Variants in ATP2A1 observed in about 807,000 individuals in gnomAD.
ATP2A1 encodes sarcoplasmic/endoplasmic reticulum calcium ATPase 1.
A neutral mutation model predicts 109.5 loss-of-function variants in ATP2A1; 83 were observed. The observed-to-expected ratio is 0.76, with a 90% CI of 0.63 to 0.91. ATP2A1 has a LOEUF of 0.91. Among genes scored for constraint, ATP2A1 ranks in the 40% least tolerant of loss-of-function variants. The probability of loss-of-function intolerance (pLI) is 0.00; values close to 1 mark genes in which losing one functional copy is unlikely to be tolerated. For missense variants in ATP2A1, 1,101 were observed against 1,341.0 expected (o/e 0.82, Z 2.80); for synonymous variants, 505 against 537.6 (o/e 0.94, Z 0.84).
chr16:28,904,350 C>G lies in ATP2A1; in HGVS notation c.*208C>G, dbSNP rs796491045. The stretch of plus-strand genomic sequence containing the variant: ...CTTCCCTTTCCTTCCCCCTCGGCCA[C>G]CCGCCTCCCTCTCAACCTTGTAAAT... On this transcript the variant is annotated 3_prime_UTR_variant, in exon 23 of 23. Transcript: ENST00000395503. 20 of 1,546,844 alleles carry G rather than the reference C, an allele frequency of 1.3e-5. No homozygotes were observed. The African/African-American group carries it at 2.7e-4, about 21-fold the overall frequency.
At chr16:28,888,394 T>G (rs1963679401) in intron 8 of ATP2A1, among the ~76,000 whole-genome samples, 1 of 152,044 alleles carries the variant, frequency 6.6e-6, no homozygotes, top group South Asian at 2.1e-4. Context: ...ATCTGGTATC[T>G]TTGCGGACCA....
chr16:28,896,403 T>C (rs1963917707), intron 12 of ATP2A1, among the ~76,000 whole-genome samples: 1 of 151,918 alleles, frequency 6.6e-6, no homozygotes, highest in South Asian at 2.1e-4. Flanking sequence ...ACTTTCTGTA[T>C]TTTTAGTAGA....
At position 28,880,965 on chromosome 16, in the gene ATP2A1, AC is replaced by A. The variant is rs745655545; in HGVS notation, c.273del (p.Phe92LeufsTer5). 6.2e-7 allele frequency: 1 copy of A among 1,613,664 alleles called. No individual in the cohort carries two copies. On this transcript the variant is annotated frameshift_variant, in exon 4 of 23. Transcript: ENST00000395503. LOFTEE classifies it high-confidence loss of function. The surrounding 1 kb of genome is among the most constrained non-coding windows in gnomAD (Gnocchi z 4.2). ...GEETITAFVE[P>X]FVILLILIAN... is the part of the protein sequence containing the mutation. ...AAGAGACCATCACTGCCTTTGTTGA[AC>A]CCTTTGTCATCCTCTTGATCCTCAT...
At position 28,903,390 on chromosome 16, in the gene ATP2A1, T is replaced by C. The variant is rs1332963906; in HGVS notation, c.2930T>C (p.Val977Ala). ...ATGGTCCTCAAGATCTCACTGCCAG[T>C]CATTGGGCTCGACGAAATCCTCAAG... ...WLMVLKISLP[V>A]IGLDEILKFV... Residue 977 changes from valine (V) to alanine (A), a missense_variant, in exon 21 of 23, where the codon GTC becomes GCC. Coordinates refer to ENST00000395503, the MANE Select transcript of ATP2A1 (RefSeq NM_004320.6). This position sits in a 1 kb window ranked among gnomAD's most constrained non-coding sequence, Gnocchi z 5.6. 24 of 1,613,898 alleles carry C rather than the reference T, an allele frequency of 1.5e-5. No individual in the cohort carries two copies. Among genetic ancestry groups the C allele is most frequent in the Non-Finnish European group, 1.9e-5 (23 of 1,179,936 alleles).
chr16:28,904,004 C>A (rs1350180353), intron 22 of ATP2A1, among the ~76,000 whole-genome samples, 176 bp from the exon 23 acceptor site: 1 of 141,504 alleles, frequency 7.1e-6, no homozygotes, highest in Non-Finnish European at 1.6e-5. Flanking sequence ...GCTGTCTTTG[C>A]TGTGGGGCTG....
In ATP2A1 at chr16:28,898,293, C is replaced by T. The variant is rs200872921; in HGVS notation, c.1606C>T (p.Pro536Ser). The change falls in exon 14 of 23, where the codon CCA becomes TCA. Residue 536 changes from proline to serine, a missense_variant. Coordinates refer to ENST00000395503, the MANE Select transcript of ATP2A1 (RefSeq NM_004320.6). The surrounding 1 kb of genome is among the most constrained non-coding windows in gnomAD (Gnocchi z 4.0). ...NYVRVGTTRV[P>S]LTGPVKEKIM... ...TGTGCGAGTTGGCACCACCCGGGTGCCACTGACGGGGCCGGTGAAGGAAAA... is the reference window on the plus strand; with the variant it reads ...TGTGCGAGTTGGCACCACCCGGGTGTCACTGACGGGGCCGGTGAAGGAAAA... 1.2e-5 allele frequency: 19 copies of T among 1,614,084 alleles called. No homozygotes were observed. In the South Asian group the frequency reaches 1.9e-4, roughly 16 times the overall value.
chr16:28,894,074 G>A (rs1041320015), intron 9 of ATP2A1, 81 bp from the exon 10 acceptor site: 2 of 1,243,194 alleles, frequency 1.6e-6, no homozygotes, highest in Non-Finnish European at 2.3e-6. Flanking sequence ...GGTGTTGGCA[G>A]TGCAGGCCTC....
At chr16:28,879,912 G>GT (rs2152197364) in intron 3 of ATP2A1, 2 of 792,730 alleles carry the variant, frequency 2.5e-6, no homozygotes, top group East Asian at 1.8e-4. Context: ...GCTGCGGCGC[G>GT]GGGGGCCACT....
chr16:28,900,506 A>AC (rs1964041187), intron 14 of ATP2A1, 75 bp from the exon 15 acceptor site: 5 of 810,294 alleles, frequency 6.2e-6, no homozygotes, highest in South Asian at 4.5e-5. Flanking sequence ...CCCCATCCCC[A>AC]CCCCCCACCA....
rs527776636 is a variant in ATP2A1, at chr16:28,885,179, G to A, written c.544+524G>A. Among the ~76,000 whole-genome samples the A allele has an allele frequency of 2.6e-5, 4 of 151,640 alleles. No individual in the cohort carries two copies. In the South Asian group the frequency reaches 8.3e-4, roughly 32 times the overall value. ...CAGTAGAACTGCATGAACCCAGGAG[G>A]CTGAGGCTGCAGTGAGCCAAGATCA... On this transcript the variant is annotated intron_variant, in intron 6 of 22. Transcript: ENST00000395503.
Position 28,903,284 on chromosome 16 carries a change from C to T in ATP2A1, c.2863-39C>T. On this transcript the variant is annotated intron_variant, in intron 20 of 22. Coordinates refer to ENST00000395503, the MANE Select transcript of ATP2A1 (RefSeq NM_004320.6). The surrounding 1 kb of genome is among the most constrained non-coding windows in gnomAD (Gnocchi z 5.6). ...GGCAGTGCTGGTCTCTGGCTCCCTCCCCACCCCCTCCTGAGAGGGCGCTTG... is the reference window on the plus strand; with the variant it reads ...GGCAGTGCTGGTCTCTGGCTCCCTCTCCACCCCCTCCTGAGAGGGCGCTTG... The T allele has an allele frequency of 6.3e-7, 1 of 1,589,956 alleles. No individual in the cohort carries two copies. Among genetic ancestry groups the T allele is most frequent in the East Asian group, 2.2e-5 (1 of 44,700 alleles).
Position 28,884,591 on chromosome 16 carries a change from T to C in ATP2A1, c.480T>C (p.Pro160=). 1 of 1,613,764 alleles carries C rather than the reference T, an allele frequency of 6.2e-7. No homozygotes were observed. Among genetic ancestry groups the C allele is most frequent in the Non-Finnish European group, 8.5e-7 (1 of 1,179,966 alleles). The change falls in exon 6 of 23, where the codon CCT becomes CCC. Residue 160 remains proline, a synonymous_variant. Transcript: ENST00000395503. The part of the protein sequence containing the change: ...IVEVAVGDKV[P]ADIRILAIKS... ...TCTCCACAGTGGGGGACAAAGTCCC[T>C]GCAGACATCCGAATCCTCGCCATCA...
In ATP2A1 at chr16:28,878,513, G is replaced by A. The variant is rs1477599005; in HGVS notation, c.-159G>A. On this transcript the variant is annotated 5_prime_UTR_variant, in exon 1 of 23. Transcript: ENST00000395503. ...GGCCGGCTGCTCAAGTGGGACGGGG[G>A]TCAGAGCTTTGTGGAGGGAAGAAAA... 3 of 728,102 alleles carry A rather than the reference G, an allele frequency of 4.1e-6. No homozygotes were observed. Among genetic ancestry groups the A allele is most frequent in the African/African-American group, 3.5e-5 (2 of 57,338 alleles). The allele number at this position is 728,102 out of a possible 1,614,324, so 45.1% of individuals were successfully genotyped here.
In ATP2A1 at chr16:28,880,639, C is replaced by T. The variant is rs1250151779; in HGVS notation, c.220-276C>T. ...GGCCTGAGCTTCGCTTCTAAGCCAG[C>T]AGCTTGGTCAGGGAAACCTGAAAGC... On this transcript the variant is annotated intron_variant, in intron 3 of 22. Transcript: ENST00000395503. This position sits in a 1 kb window ranked among gnomAD's most constrained non-coding sequence, Gnocchi z 4.2. Among the ~76,000 whole-genome samples, 1 of 152,248 alleles carries T rather than the reference C, an allele frequency of 6.6e-6. No homozygotes were observed. The highest frequency in any genetic ancestry group is 1.5e-5 in the Non-Finnish European group (1 of 68,050).
rs745800569 is a variant in ATP2A1 at position 28,902,196 on chromosome 16, C to T, written c.2334C>T (p.Thr778=). The T allele has an allele frequency of 6.3e-5, 102 of 1,613,964 alleles. 1 individual carries two copies. Among genetic ancestry groups the T allele is most frequent in the South Asian group, 4.2e-4 (38 of 91,080 alleles). ...CTCCTTCCCACAGTATCTTCCTGACCGCTGCCCTGGGGCTGCCTGAGGCCC... is the reference window on the plus strand; with the variant it reads ...CTCCTTCCCACAGTATCTTCCTGACTGCTGCCCTGGGGCTGCCTGAGGCCC... ...NVGEVVCIFL[T]AALGLPEALI... is the part of the protein sequence containing the mutation. Residue 778 remains threonine, a synonymous_variant, in exon 17 of 23, where the codon ACC becomes ACT. Transcript: ENST00000395503. The surrounding 1 kb of genome is among the most constrained non-coding windows in gnomAD (Gnocchi z 4.8).
rs138788073 is a variant in ATP2A1 at position 28,900,774 on chromosome 16, A to G, written c.1958A>G (p.Tyr653Cys). Reference protein sequence around the residue: ...GENEEVADRAYTGREFDDLPL... With the variant: ...GENEEVADRACTGREFDDLPL... Reference sequence around the variant, plus strand: ...AACGAGGAGGTGGCCGATCGCGCCTACACGGGCCGAGAGTTCGACGACCTG... The same window carrying G: ...AACGAGGAGGTGGCCGATCGCGCCTGCACGGGCCGAGAGTTCGACGACCTG... Residue 653 changes from tyrosine to cysteine, a missense_variant, in exon 15 of 23, where the codon TAC becomes TGC. Coordinates refer to ENST00000395503, the MANE Select transcript of ATP2A1 (RefSeq NM_004320.6). 6.2e-7 allele frequency: 1 copy of G among 1,614,080 alleles called. No individual in the cohort carries two copies. Among genetic ancestry groups the G allele is most frequent in the African/African-American group, 1.3e-5 (1 of 74,936 alleles).
intron 9 of ATP2A1, among the ~76,000 whole-genome samples, chr16:28,890,669 T>C (rs1475658980): frequency 1.3e-5 from 2 of 151,820 alleles, no homozygotes; most frequent in African/African-American, 4.8e-5. Flanking sequence ...CAAAACAGGA[T>C]TCTGGGTTTT....
intron 12 of ATP2A1, among the ~76,000 whole-genome samples, chr16:28,896,413 A>G (rs550883585): frequency 3.4e-5 from 5 of 148,394 alleles, no homozygotes; most frequent in South Asian, 2.1e-4. Flanking sequence ...TTTTTAGTAG[A>G]GACGAGTTTT....
intron 14 of ATP2A1, among the ~76,000 whole-genome samples, chr16:28,900,309 A>G (rs1964035791): frequency 7.5e-6 from 1 of 132,714 alleles, no homozygotes; most frequent in East Asian, 2.0e-4. Flanking sequence ...ACCCTGTCTC[A>G]AAAAAAAAAA....
Sources: gnomAD v4.1 joint callset for allele counts (sites outside exome capture counted in the v4.1 genomes callset) on GRCh38, gnomAD v4.1.1 for gene constraint, Gnocchi (gnomAD v3.1) non-coding constraint, MANE v1.5 for transcripts, NCBI Gene and HGNC (gene_info 2026-07-23, HGNC 2026-07-21) for gene names.